Variants in ARHGAP17 observed in about 807,000 individuals in gnomAD.
ARHGAP17 encodes the protein rho GTPase-activating protein 17.
Under a neutral mutation model 99.5 loss-of-function variants are expected in ARHGAP17, and 57 were observed. The observed-to-expected ratio is 0.57, with a 90% CI of 0.46 to 0.71. The LOEUF is 0.71. Among genes scored for constraint, ARHGAP17 ranks in the 30% least tolerant of loss-of-function variants. ARHGAP17 has a pLI of 0.00. For synonymous variants in ARHGAP17, 417 were observed against 429.6 expected, an observed-to-expected ratio of 0.97 and a Z score of 0.36; for missense variants, 1,000 against 1,122.4, an observed-to-expected ratio of 0.89 and a Z score of 1.56.
At position 24,968,646 on chromosome 16, in the gene ARHGAP17, C is replaced by T. The variant is rs766163594; in HGVS notation, c.384+15G>A. The T allele has an allele frequency of 1.9e-6, 3 of 1,613,474 alleles. No individual in the cohort carries two copies. The highest frequency in any genetic ancestry group is 1.3e-5 in the African/African-American group (1 of 75,028). ...CCACTCTCGGCTCTTCCGTGCTGCA[C>T]GGTGAAGCACCCACCTCAGCTATGC... On this transcript the variant is annotated intron_variant, in intron 5 of 19. Transcript: ENST00000289968.
At chr16:25,009,923 T>C (rs879668907) in intron 1 of ARHGAP17, among the ~76,000 whole-genome samples, 6 of 152,080 alleles carry the variant, frequency 3.9e-5, no homozygotes, top group Non-Finnish European at 7.4e-5. Context: ...TTAATAAACA[T>C]TAATAAACAC....
chr16:24,953,235 G>A (rs1660740490), intron 10 of ARHGAP17, among the ~76,000 whole-genome samples, 193 bp from the exon 11 acceptor site: 1 of 152,236 alleles, frequency 6.6e-6, no homozygotes, highest in Non-Finnish European at 1.5e-5. Context: ...GGACAGGCAG[G>A]AAGAAAATTA....
chr16:24,960,556 T>A (rs1042461807), intron 7 of ARHGAP17, among the ~76,000 whole-genome samples: 3 of 149,804 alleles, frequency 2.0e-5, no homozygotes, highest in Admixed American at 2.0e-4. Flanking sequence ...AAAAAAAGGC[T>A]GGGTGTGGTG....
chr16:24,919,912 TA>T lies in ARHGAP17; in HGVS notation c.*217del. 1 of 528,180 alleles carries T rather than the reference TA, an allele frequency of 1.9e-6. No homozygotes were observed. Among genetic ancestry groups the T allele is most frequent in the Non-Finnish European group, 3.0e-6 (1 of 332,964 alleles). The allele number at this position is 528,180 out of a possible 1,614,324, so 32.7% of individuals were successfully genotyped here. A position where few individuals can be genotyped will look rare whatever the true frequency, so the allele number is the denominator to read the frequency against. ...TTTTTGGCATGATTTCCTTCCCATG[TA>T]AAGAAAGCCAACTTCTTCAAGACAC... On this transcript the variant is annotated 3_prime_UTR_variant, in exon 20 of 20. Coordinates refer to ENST00000289968, the MANE Select transcript of ARHGAP17 (RefSeq NM_001006634.3).
At chr16:24,997,721 G>C (rs1296611757) in intron 1 of ARHGAP17, among the ~76,000 whole-genome samples, 6 of 152,128 alleles carry the variant, frequency 3.9e-5, no homozygotes, top group African/African-American at 9.7e-5. Flanking sequence ...GAGGAGCTGA[G>C]GATGACCACC....
chr16:24,984,955 G>A (rs2052814087), intron 1 of ARHGAP17, among the ~76,000 whole-genome samples: 1 of 152,140 alleles, frequency 6.6e-6, no homozygotes, highest in African/African-American at 2.4e-5. Flanking sequence ...GTTAAAAGAG[G>A]AGTGAAAGCC....
rs1241091381 is a variant in ARHGAP17, at chr16:24,983,046, C to T, written c.54-4041G>A. Among the ~76,000 whole-genome samples the T allele has an allele frequency of 4.8e-5, 6 of 125,536 alleles. 1 individual carries two copies. Among genetic ancestry groups the T allele is most frequent in the Non-Finnish European group, 9.4e-5 (6 of 63,820 alleles). 82.4% of individuals were successfully genotyped at this position (125,536 alleles called of 152,430 possible). ...TTGAGACAGGGTCTCGTTCTGTCAC[C>T]CAGGCTGGAGTGCAGTGCCACAATC... is the stretch of plus-strand genomic sequence containing the variant. On this transcript the variant is annotated intron_variant, in intron 1 of 19. Transcript: ENST00000289968.
Position 24,954,692 on chromosome 16 carries a change from C to T in ARHGAP17, c.763G>A (p.Glu255Lys), listed in dbSNP as rs1293163014. 1 of 1,614,036 alleles carries T rather than the reference C, an allele frequency of 6.2e-7. No homozygotes were observed. Among genetic ancestry groups the T allele is most frequent in the East Asian group, 2.2e-5 (1 of 44,874 alleles). Residue 255 changes from glutamate (E) to lysine (K), a missense_variant, in exon 10 of 20, where the codon GAA becomes AAA. Transcript: ENST00000289968. Reference protein sequence around the residue: ...AEKPAFGTPLEEHLKRSGREI... With the variant: ...AEKPAFGTPLKEHLKRSGREI... ...CGCCCGCTCCTCTTCAGGTGTTCTT[C>T]TAGGGGAGTCCCAAAGGCTGGTTTT...
chr16:24,927,060 C>T (rs1287027144), intron 19 of ARHGAP17, among the ~76,000 whole-genome samples: 1 of 152,092 alleles, frequency 6.6e-6, no homozygotes, highest in Non-Finnish European at 1.5e-5. Flanking sequence ...CACCTAAGGT[C>T]AGGAGTTCGA....
At chr16:24,994,967 G>T (rs1301364646) in intron 1 of ARHGAP17, among the ~76,000 whole-genome samples, 1 of 152,152 alleles carries the variant, frequency 6.6e-6, no homozygotes, top group Non-Finnish European at 1.5e-5. Context: ...CCGCAGGGCT[G>T]GGGAGGCCTC....
intron 6 of ARHGAP17, among the ~76,000 whole-genome samples, chr16:24,966,149 T>C (rs773075087): frequency 5.3e-5 from 8 of 152,238 alleles, no homozygotes; most frequent in Non-Finnish European, 1.0e-4. Flanking sequence ...TTTCCTTCTC[T>C]TGAGCAAAGA....
At chr16:24,977,776 G>A (rs2052561705) in intron 2 of ARHGAP17, among the ~76,000 whole-genome samples, 1 of 152,120 alleles carries the variant, frequency 6.6e-6, no homozygotes, top group African/African-American at 2.4e-5. Flanking sequence ...CACTGACTTA[G>A]GGGACCCACG....
intron 13 of ARHGAP17, among the ~76,000 whole-genome samples, 173 bp from the exon 14 acceptor site, chr16:24,947,768 G>A (rs904407334): frequency 8.5e-5 from 13 of 152,160 alleles, no homozygotes; most frequent in African/African-American, 2.7e-4. Flanking sequence ...CTTTGCTTCA[G>A]ATAATAGACT....
chr16:24,923,826 G>A (rs1415594311), intron 19 of ARHGAP17, among the ~76,000 whole-genome samples: 1 of 151,994 alleles, frequency 6.6e-6, no homozygotes, highest in African/African-American at 2.4e-5. Context: ...TCAGATTTGG[G>A]GCTCTGACAA....
intron 4 of ARHGAP17, among the ~76,000 whole-genome samples, chr16:24,969,667 G>A (rs948935488): frequency 6.6e-6 from 1 of 152,198 alleles, no homozygotes; most frequent in African/African-American, 2.4e-5. Context: ...TATCACTCTG[G>A]TGTGATGAGG....
At chr16:24,974,588 A>AT (rs367931662) in intron 3 of ARHGAP17, among the ~76,000 whole-genome samples, 10 of 148,014 alleles carry the variant, frequency 6.8e-5, no homozygotes, top group African/African-American at 1.2e-4. Context: ...CTGAGCCAAG[A>AT]TTTTTTTTTT....
At chr16:25,008,921 G>A (rs1349281088) in intron 1 of ARHGAP17, among the ~76,000 whole-genome samples, 5 of 152,146 alleles carry the variant, frequency 3.3e-5, no homozygotes, top group African/African-American at 1.2e-4. Flanking sequence ...TACATAATAA[G>A]GCCATAAAAG....
chr16:24,982,372 C>T (rs764788205), intron 1 of ARHGAP17, among the ~76,000 whole-genome samples: 6 of 151,332 alleles, frequency 4.0e-5, no homozygotes, highest in Non-Finnish European at 8.8e-5. Context: ...CCACTGCACT[C>T]CAGACTAGGC....
At chr16:24,924,794 T>G (rs1597352281) in intron 19 of ARHGAP17, among the ~76,000 whole-genome samples, 1 of 150,508 alleles carries the variant, frequency 6.6e-6, no homozygotes, top group African/African-American at 2.4e-5. Flanking sequence ...ACCTGGGAGG[T>G]GGAGGTCACA....
Sources: gnomAD v4.1 joint callset for allele counts (sites outside exome capture counted in the v4.1 genomes callset) on GRCh38, gnomAD v4.1.1 for gene constraint, MANE v1.5 for transcripts, NCBI Gene and HGNC (gene_info 2026-07-23, HGNC 2026-07-21) for gene names.